The following TMC7 variants were observed in gnomAD, a reference collection of about 807,000 sequenced individuals.
TMC7 encodes transmembrane channel like 7.
Under a neutral mutation model 82.9 loss-of-function variants are expected in TMC7, and 54 were observed. The ratio of observed to expected loss-of-function variants is 0.65; its 90% CI spans 0.52 to 0.82. The LOEUF (loss-of-function observed/expected upper bound fraction) is 0.82. Among genes scored for constraint, TMC7 ranks in the 40% least tolerant of loss-of-function variants. The probability of loss-of-function intolerance (pLI) is 0.00; values close to 1 mark genes in which losing one functional copy is unlikely to be tolerated. For missense variants in TMC7, 820 were observed against 901.2 expected, an observed-to-expected ratio of 0.91 and a Z score of 1.15; for synonymous variants, 350 against 337.9, an observed-to-expected ratio of 1.04 and a Z score of -0.39.
intron 1 of TMC7, among the ~76,000 whole-genome samples, chr16:19,007,616 C>A (rs141702051): frequency 2.6e-5 from 4 of 151,644 alleles, no homozygotes; most frequent in African/African-American, 9.7e-5. Context: ...AAAGAGAGAC[C>A]GAGATCACGT....
intron 9 of TMC7, among the ~76,000 whole-genome samples, chr16:19,043,695 T>C (rs1041530294): frequency 1.3e-5 from 2 of 152,256 alleles, no homozygotes; most frequent in South Asian, 2.1e-4. Context: ...CTCAGCCTCC[T>C]GAGTAGCTGA....
At chr16:18,999,172 T>C (rs773631054) in intron 1 of TMC7, among the ~76,000 whole-genome samples, 7 of 152,186 alleles carry the variant, frequency 4.6e-5, no homozygotes, top group Non-Finnish European at 7.3e-5. Context: ...AAAAATGTTT[T>C]ATTTTTCTGT....
chr16:19,012,136 A>C (rs1959394223), intron 2 of TMC7: 1 of 151,638 alleles, frequency 6.6e-6, no homozygotes, highest in Non-Finnish European at 1.5e-5. Context: ...TCTCAAAAAA[A>C]AAAAAAAAAA....
chr16:19,040,516 A>C, intron 9 of TMC7, 70 bp downstream of exon 9: 1 of 1,403,172 alleles, frequency 7.1e-7, no homozygotes, highest in Non-Finnish European at 9.8e-7. Flanking sequence ...TGCCCATGGC[A>C]GACATCGCTA....
chr16:19,037,765 G>A (rs1293936929), intron 7 of TMC7, 109 bp from the exon 8 acceptor site: 1 of 1,211,128 alleles, frequency 8.3e-7, no homozygotes, highest in Non-Finnish European at 1.2e-6. Context: ...GAGCCACCAT[G>A]CCTGGCTAGA....
Position 19,063,672 on chromosome 16 carries a change from TTGTGTGTG to T in TMC7, c.*1848_*1855del, listed in dbSNP as rs5816025. On this transcript the variant is annotated 3_prime_UTR_variant, in exon 16 of 16. Transcript: ENST00000304381. ...ACTTGATGATATTCAAGTTTTCTAT[TTGTGTGTG>T]TGTGTGTGTGTGTGTGTGATGAACA... is the stretch of plus-strand genomic sequence containing the variant. 4 of 149,324 alleles carry T rather than the reference TTGTGTGTG, an allele frequency of 2.7e-5. No individual in the cohort carries two copies. Among genetic ancestry groups the T allele is most frequent in the African/African-American group, 4.9e-5 (2 of 40,646 alleles). 9.2% of individuals were successfully genotyped at this position (149,324 alleles called of 1,614,324 possible).
intron 11 of TMC7, 113 bp downstream of exon 11, chr16:19,045,551 A>T: frequency 1.0e-5 from 7 of 679,640 alleles, no homozygotes; most frequent in Non-Finnish European, 1.6e-5. Flanking sequence ...AAGCTGCTGG[A>T]TGACTCTACA....
chr16:18,994,240 G>T (rs1455587296), intron 1 of TMC7, among the ~76,000 whole-genome samples: 1 of 152,072 alleles, frequency 6.6e-6, no homozygotes, highest in East Asian at 1.9e-4. Context: ...ACTGTAGAGA[G>T]TAAGTGGAGC....
At chr16:19,036,163 G>A (rs1047187438) in intron 7 of TMC7, among the ~76,000 whole-genome samples, 4 of 152,114 alleles carry the variant, frequency 2.6e-5, no homozygotes, top group Non-Finnish European at 5.9e-5. Context: ...TATACCAGGA[G>A]AAATGGGAGT....
At position 19,014,067 on chromosome 16, in the gene TMC7, C is replaced by T. The variant is rs1006841085; in HGVS notation, c.312-2383C>T. Among the ~76,000 whole-genome samples, 7 of 150,548 alleles carry T rather than the reference C, an allele frequency of 4.6e-5. 1 individual carries two copies. The highest frequency in any genetic ancestry group is 2.0e-4 in the East Asian group (1 of 5,010). On this transcript the variant is annotated intron_variant, in intron 2 of 15. Coordinates refer to ENST00000304381, the MANE Select transcript of TMC7 (RefSeq NM_024847.4). ...GTTTTTAGTAGAGATGGGGTTTCAC[C>T]GTGTTAGCCAGGATGGTCTTGATCT... is the stretch of plus-strand genomic sequence containing the variant.
intron 1 of TMC7, among the ~76,000 whole-genome samples, chr16:19,000,985 T>C (rs2039131836): frequency 6.6e-6 from 1 of 152,068 alleles, no homozygotes; most frequent in Non-Finnish European, 1.5e-5. Flanking sequence ...TGCACTCTAG[T>C]GTGGGTGACA....
chr16:18,984,250 C>T (rs1202796782), intron 1 of TMC7, 120 bp downstream of exon 1: 39 of 1,342,324 alleles, frequency 2.9e-5, no homozygotes, highest in Non-Finnish European at 3.1e-5. Context: ...ACGCCGGGTG[C>T]TCCCGGCTCT....
chr16:19,028,356 G>A (rs1043270002), intron 5 of TMC7, among the ~76,000 whole-genome samples: 1 of 150,434 alleles, frequency 6.6e-6, no homozygotes, highest in African/African-American at 2.4e-5. Flanking sequence ...GCAACATGGC[G>A]AGACCATATC....
chr16:19,009,322 A>T lies in TMC7; in HGVS notation c.218A>T (p.Tyr73Phe), dbSNP rs1018436635. Residue 73 changes from tyrosine to phenylalanine, a missense_variant, in exon 2 of 16, where the codon TAC (tyrosine) becomes TTC (phenylalanine). Tyr to Phe is a conservative substitution (Grantham distance 22). Coordinates refer to ENST00000304381, the MANE Select transcript of TMC7 (RefSeq NM_024847.4). ...SGTLLKPTDS[Y>F]SSQLEDRIAE... ...ACTTTGCTAAAGCCAACCGACTCTT[A>T]CAGCTCCCAGCTGGAGGACAGAATC... The T allele has an allele frequency of 6.2e-7, 1 of 1,614,168 alleles. No individual in the cohort carries two copies. The highest frequency in any genetic ancestry group is 1.3e-5 in the African/African-American group (1 of 75,034).
In TMC7 at chr16:19,044,878, C is replaced by G; in HGVS notation, c.1338-6C>G. On this transcript the variant is annotated splice_polypyrimidine_tract_variant and splice_region_variant and intron_variant, in intron 9 of 15. Transcript: ENST00000304381. Reference sequence around the variant, plus strand: ...CTTCCCATCCTCTCTCCTTCTCTCCCCGAAGGTGTGTCTTTATGCGGCTGG... The same window carrying G: ...CTTCCCATCCTCTCTCCTTCTCTCCGCGAAGGTGTGTCTTTATGCGGCTGG... 6.2e-7 allele frequency: 1 copy of G among 1,612,356 alleles called. No homozygotes were observed. Among genetic ancestry groups the G allele is most frequent in the Non-Finnish European group, 8.5e-7 (1 of 1,178,560 alleles).
chr16:19,014,148 G>A (rs566010329), intron 2 of TMC7, among the ~76,000 whole-genome samples: 2 of 152,218 alleles, frequency 1.3e-5, no homozygotes, highest in South Asian at 4.2e-4. Flanking sequence ...TTACAGGCGT[G>A]AGCCACCACA....
chr16:18,985,237 C>A (rs1035453084), intron 1 of TMC7, among the ~76,000 whole-genome samples: 1 of 145,032 alleles, frequency 6.9e-6, no homozygotes, highest in Admixed American at 7.2e-5. Context: ...CCAGCCTGGG[C>A]GACAGACCAA....
At chr16:19,059,585 T>G (rs1236785768) in intron 15 of TMC7, 91 bp downstream of exon 15, 1 of 1,610,836 alleles carries the variant, frequency 6.2e-7, no homozygotes, top group East Asian at 2.2e-5. Context: ...GGGAGTGAAA[T>G]TACTGCAGCC....
intron 14 of TMC7, 66 bp downstream of exon 14, chr16:19,056,763 C>T (rs1394189441): frequency 6.4e-6 from 10 of 1,554,580 alleles, no homozygotes; most frequent in Non-Finnish European, 8.8e-6. Context: ...TGGCGGCGGT[C>T]GGGGCGGGGT....
Sources: gnomAD v4.1 joint callset for allele counts (sites outside exome capture counted in the v4.1 genomes callset) on GRCh38, gnomAD v4.1.1 for gene constraint, MANE v1.5 for transcripts, NCBI Gene and HGNC (gene_info 2026-07-23, HGNC 2026-07-21) for gene names.